Variants in SHROOM3 observed in about 807,000 individuals in gnomAD.
The protein encoded by SHROOM3 is shroom family member 3, also known as protein Shroom3.
SHROOM3 carries 47 observed loss-of-function variants against 138.6 expected under a neutral mutation model. That is an observed-to-expected ratio of 0.34 (90% CI 0.27 to 0.43). The LOEUF is 0.43. Ranked by LOEUF, SHROOM3 falls within the 20% of genes least tolerant of loss-of-function variation. The pLI, the probability that SHROOM3 is intolerant of heterozygous loss-of-function variation, is 1.00. For missense variants in SHROOM3, 2,491 were observed against 2,596.5 expected, an observed-to-expected ratio of 0.96 and a Z score of 0.88; for synonymous variants, 1,062 against 1,063.3, an observed-to-expected ratio of 1.00 and a Z score of 0.02.
intron 1 of SHROOM3, among the ~76,000 whole-genome samples, chr4:76,528,343 C>CTTTT (rs75403198): frequency 2.6e-5 from 1 of 38,528 alleles, no homozygotes; most frequent in Non-Finnish European, 5.1e-5. Context: ...TCTTCTTCTT[C>CTTTT]TTTTTTTTTT....
At chr4:76,548,314 G>A (rs964289022) in intron 1 of SHROOM3, among the ~76,000 whole-genome samples, 2 of 152,134 alleles carry the variant, frequency 1.3e-5, no homozygotes, top group Non-Finnish European at 2.9e-5. Flanking sequence ...GGAGGACTGC[G>A]GTTTCTCTTC....
intron 2 of SHROOM3, among the ~76,000 whole-genome samples, chr4:76,703,864 T>A (rs1719971732): frequency 6.6e-6 from 1 of 152,224 alleles, no homozygotes; most frequent in African/African-American, 2.4e-5. Flanking sequence ...GCATCCTGTC[T>A]ACTTAATCAC....
intron 7 of SHROOM3, 127 bp downstream of exon 7, chr4:76,755,319 G>A: frequency 8.7e-7 from 1 of 1,153,380 alleles, no homozygotes; most frequent in Non-Finnish European, 1.2e-6. Flanking sequence ...CTCAGCTCAG[G>A]ACACTGTTGA....
intron 2 of SHROOM3, among the ~76,000 whole-genome samples, chr4:76,618,094 G>A (rs1250030711): frequency 6.6e-6 from 1 of 152,168 alleles, no homozygotes; most frequent in Non-Finnish European, 1.5e-5. Flanking sequence ...GAGGCCAGGA[G>A]TTTCAAACCA....
chr4:76,774,339 G>GT (rs527582306), intron 10 of SHROOM3, among the ~76,000 whole-genome samples: 71 of 152,194 alleles, frequency 4.7e-4, no homozygotes, highest in African/African-American at 6.3e-4. Context: ...TAGCAGTATT[G>GT]TTTTTTTATC....
In SHROOM3 at chr4:76,501,361, G is replaced by A. The variant is rs574777347; in HGVS notation, c.169-54248G>A. ...AATAAGAAATACACATATTGCTCTC[G>A]GCCCACAGTCCCTGATACAGAGCTC... On this transcript the variant is annotated intron_variant, in intron 1 of 10. Coordinates refer to ENST00000296043, the MANE Select transcript of SHROOM3 (RefSeq NM_020859.4). Among the ~76,000 whole-genome samples, 15 of 151,732 alleles carry A rather than the reference G, an allele frequency of 9.9e-5. 1 individual carries two copies. The highest frequency in any genetic ancestry group is 2.7e-4 in the African/African-American group (11 of 41,346).
At chr4:76,441,723 T>A (rs1305838913) in intron 1 of SHROOM3, among the ~76,000 whole-genome samples, 1 of 152,156 alleles carries the variant, frequency 6.6e-6, no homozygotes, top group Non-Finnish European at 1.5e-5. Flanking sequence ...TTATTTTAAT[T>A]ATTATTTTTT....
At chr4:76,479,341 G>A (rs1371470134) in intron 1 of SHROOM3, among the ~76,000 whole-genome samples, 1 of 151,656 alleles carries the variant, frequency 6.6e-6, no homozygotes, top group Non-Finnish European at 1.5e-5. Context: ...ATATACACAA[G>A]TATCAATAGC....
chr4:76,482,601 T>C (rs11728135), intron 1 of SHROOM3, among the ~76,000 whole-genome samples: 19,200 of 152,128 alleles, frequency 0.13, 1,383 homozygotes, highest in Middle Eastern at 0.22. Context: ...TCCAATGCTA[T>C]CCCCATCAAT....
intron 1 of SHROOM3, among the ~76,000 whole-genome samples, chr4:76,524,958 G>T (rs1377994022): frequency 6.6e-6 from 1 of 152,134 alleles, no homozygotes; most frequent in African/African-American, 2.4e-5. Context: ...TGGAATAAAT[G>T]CCCAGAAGAG....
chr4:76,669,326 A>C (rs966699545), intron 2 of SHROOM3, among the ~76,000 whole-genome samples: 1 of 152,120 alleles, frequency 6.6e-6, no homozygotes, highest in Non-Finnish European at 1.5e-5. Context: ...ACAAACAAAA[A>C]AAGTAATCCT....
chr4:76,443,415 A>T (rs966721489), intron 1 of SHROOM3, among the ~76,000 whole-genome samples: 1 of 152,236 alleles, frequency 6.6e-6, no homozygotes, highest in Non-Finnish European at 1.5e-5. Context: ...ATAATGAGAG[A>T]CTTTCTATCA....
chr4:76,757,379 T>C (rs1721852622), intron 8 of SHROOM3, among the ~76,000 whole-genome samples: 1 of 152,152 alleles, frequency 6.6e-6, no homozygotes, highest in Admixed American at 6.5e-5. Context: ...ACTGTGCCTG[T>C]CTCCAGCAAT....
intron 2 of SHROOM3, among the ~76,000 whole-genome samples, chr4:76,661,993 T>A (rs547325018): frequency 3.9e-5 from 6 of 152,354 alleles, no homozygotes; most frequent in South Asian, 4.1e-4. Flanking sequence ...CTTCCCAACA[T>A]GTGGTACTGG....
chr4:76,711,586 T>C (rs918826128), intron 3 of SHROOM3, among the ~76,000 whole-genome samples: 4 of 152,064 alleles, frequency 2.6e-5, no homozygotes, highest in African/African-American at 9.7e-5. Flanking sequence ...CCAAGTACTC[T>C]GGAGGCTGAG....
At chr4:76,737,552 A>T (rs113951441) in intron 4 of SHROOM3, among the ~76,000 whole-genome samples, 80 of 152,292 alleles carry the variant, frequency 5.3e-4, no homozygotes, top group African/African-American at 1.9e-3. Flanking sequence ...ACCTGCAATG[A>T]ATGAGAGTTT....
At chr4:76,634,791 GA>G (rs745880104) in intron 2 of SHROOM3, among the ~76,000 whole-genome samples, 2 of 152,050 alleles carry the variant, frequency 1.3e-5, no homozygotes, top group African/African-American at 4.8e-5. Context: ...ATATAAGCAG[GA>G]AAAAATGTTT....
At chr4:76,757,747 G>A (rs1465580743) in intron 8 of SHROOM3, among the ~76,000 whole-genome samples, 1 of 152,158 alleles carries the variant, frequency 6.6e-6, no homozygotes, top group Non-Finnish European at 1.5e-5. Context: ...TGTGCAGTCT[G>A]TGCTTTTCAT....
chr4:76,651,730 A>G (rs947065568), intron 2 of SHROOM3, among the ~76,000 whole-genome samples: 7 of 152,306 alleles, frequency 4.6e-5, no homozygotes, highest in Middle Eastern at 3.4e-3. Flanking sequence ...AAAGAGCATA[A>G]CCAGTAGAAG....
Sources: gnomAD v4.1 joint callset for allele counts (sites outside exome capture counted in the v4.1 genomes callset) on GRCh38, gnomAD v4.1.1 for gene constraint, MANE v1.5 for transcripts, NCBI Gene and HGNC (gene_info 2026-07-23, HGNC 2026-07-21) for gene names.